The following PDE1C variants were observed in gnomAD, a reference collection of about 807,000 sequenced individuals.
PDE1C encodes the protein dual specificity calcium/calmodulin-dependent 3',5'-cyclic nucleotide phosphodiesterase 1C.
In PDE1C, 62 loss-of-function variants were observed where a neutral mutation model predicts 93.1. That is an observed-to-expected ratio of 0.67 (90% confidence interval 0.54 to 0.82). The LOEUF is 0.82. Among genes scored for constraint, PDE1C ranks in the 40% least tolerant of loss-of-function variants. The pLI, the probability that PDE1C is intolerant of heterozygous loss-of-function variation, is 0.00. For synonymous variants in PDE1C, 325 were observed against 310.1 expected, an observed-to-expected ratio of 1.05 and a Z score of -0.50; for missense variants, 742 against 884.6, an observed-to-expected ratio of 0.84 and a Z score of 2.04.
chr7:32,120,380 C>T (rs898432597), intron 3 of PDE1C, among the ~76,000 whole-genome samples: 2 of 152,356 alleles, frequency 1.3e-5, no homozygotes, highest in South Asian at 2.1e-4. Flanking sequence ...ACCCTCTCCA[C>T]CAGGGAACAG....
At chr7:32,053,578 T>A (rs1433441883) in intron 1 of PDE1C, among the ~76,000 whole-genome samples, 3 of 152,170 alleles carry the variant, frequency 2.0e-5, no homozygotes, top group Non-Finnish European at 4.4e-5. Flanking sequence ...AAAAGAAGAA[T>A]GCCCCTAGCC....
At chr7:32,060,841 G>C (rs1042497305) in intron 1 of PDE1C, among the ~76,000 whole-genome samples, 1 of 152,086 alleles carries the variant, frequency 6.6e-6, no homozygotes, top group African/African-American at 2.4e-5. Context: ...GCTAGGAAAG[G>C]CCTTATTTAT....
intron 2 of PDE1C, among the ~76,000 whole-genome samples, chr7:31,958,512 T>C (rs1808467865): frequency 6.6e-6 from 1 of 152,226 alleles, no homozygotes; most frequent in Non-Finnish European, 1.5e-5. Context: ...AGCCTTGATT[T>C]ATCTGTCTTG....
At chr7:31,997,521 GC>G (rs1364962684) in intron 2 of PDE1C, among the ~76,000 whole-genome samples, 8 of 152,186 alleles carry the variant, frequency 5.3e-5, no homozygotes, top group African/African-American at 1.9e-4. Flanking sequence ...CAACAATAGA[GC>G]TTGGAGAACC....
At chr7:32,166,701 G>T (rs964063371) in intron 3 of PDE1C, among the ~76,000 whole-genome samples, 1 of 152,096 alleles carries the variant, frequency 6.6e-6, no homozygotes, top group African/African-American at 2.4e-5. Flanking sequence ...ATACCCTCTG[G>T]CATTATTAGT....
At chr7:32,040,246 C>G (rs1791634991) in intron 2 of PDE1C, among the ~76,000 whole-genome samples, 1 of 152,144 alleles carries the variant, frequency 6.6e-6, no homozygotes, top group Admixed American at 6.5e-5. Context: ...TCTTTTAACC[C>G]TTACAACAAA....
chr7:31,630,372 A>G, the PDE1C span, among the ~76,000 whole-genome samples: 2 of 152,218 alleles, frequency 1.3e-5, no homozygotes, highest in Middle Eastern at 3.4e-3. Flanking sequence ...TGAGATAACA[A>G]TTTATGATGC....
At chr7:32,414,431 G>A (rs1254738652) in intron 1 of PDE1C, among the ~76,000 whole-genome samples, 2 of 152,054 alleles carry the variant, frequency 1.3e-5, no homozygotes, top group African/African-American at 4.8e-5. Context: ...GTGTATATGT[G>A]CCTAAAGAGA....
chr7:31,907,403 A>T (rs1800734455), intron 2 of PDE1C, among the ~76,000 whole-genome samples: 1 of 152,144 alleles, frequency 6.6e-6, no homozygotes, highest in Non-Finnish European at 1.5e-5. Context: ...AAACTTTATG[A>T]GAAGCAGGTG....
At chr7:31,915,187 C>A (rs1381846058) in intron 2 of PDE1C, among the ~76,000 whole-genome samples, 2 of 152,168 alleles carry the variant, frequency 1.3e-5, no homozygotes, top group Non-Finnish European at 2.9e-5. Flanking sequence ...GGTCTGTGGG[C>A]CATGAGTCTG....
At chr7:32,314,787 G>C (rs1407850821) in intron 1 of PDE1C, among the ~76,000 whole-genome samples, 1 of 151,884 alleles carries the variant, frequency 6.6e-6, no homozygotes, top group Non-Finnish European at 1.5e-5. Context: ...GCCCAAAAGG[G>C]AACACAGACC....
chr7:31,835,348 G>C (rs1040554030), intron 11 of PDE1C, among the ~76,000 whole-genome samples: 1 of 152,102 alleles, frequency 6.6e-6, no homozygotes, highest in Non-Finnish European at 1.5e-5. Flanking sequence ...CTCAAAAGAA[G>C]CTCTTGGTGA....
At chr7:31,651,711 A>C in the PDE1C span, among the ~76,000 whole-genome samples, 1 of 152,200 alleles carries the variant, frequency 6.6e-6, no homozygotes, top group Non-Finnish European at 1.5e-5. Context: ...AATTTATTAA[A>C]AATTATTAAA....
intron 2 of PDE1C, among the ~76,000 whole-genome samples, chr7:32,197,880 A>T (rs12690801): frequency 0.29 from 44,271 of 152,072 alleles, 6,948 homozygotes; most frequent in Admixed American, 0.42. Flanking sequence ...GATTATGTTG[A>T]TGATGGTGGC....
chr7:32,317,220 G>A (rs981775317), intron 1 of PDE1C, among the ~76,000 whole-genome samples: 3 of 152,178 alleles, frequency 2.0e-5, no homozygotes, highest in Admixed American at 6.5e-5. Flanking sequence ...AGAGTTGGTG[G>A]ACCTCTCTGG....
chr7:31,808,160 C>A, intron 16 of PDE1C: 1 of 464,606 alleles, frequency 2.2e-6, no homozygotes, highest in Non-Finnish European at 4.2e-6. Flanking sequence ...CACCTGGTTA[C>A]CCAGCATTTG....
At chr7:32,194,180 C>T (rs1804445297) in intron 2 of PDE1C, among the ~76,000 whole-genome samples, 2 of 152,172 alleles carry the variant, frequency 1.3e-5, no homozygotes, top group Non-Finnish European at 2.9e-5. Flanking sequence ...TCCCAAAGTG[C>T]TGGGATTATG....
Position 31,775,578 on chromosome 7 carries a change from C to T in PDE1C, c.1960+86G>A, listed in dbSNP as rs570593387. The stretch of plus-strand genomic sequence containing the variant: ...GACTGGATAACTATGGGGCCATGTT[C>T]TCAGTTTATCAACCCAATTCCCGAG... On this transcript the variant is annotated intron_variant, in intron 17 of 17. Coordinates refer to ENST00000396191, the MANE Select transcript of PDE1C (RefSeq NM_001191057.4). The T allele has an allele frequency of 1.1e-4, 120 of 1,095,236 alleles. No homozygotes were observed. The Admixed American group carries it at 2.3e-3, about 21-fold the overall frequency. The allele number at this position is 1,095,236 out of a possible 1,614,324, so 67.8% of individuals were successfully genotyped here. A position where few individuals can be genotyped will look rare whatever the true frequency, so the allele number is the denominator to read the frequency against.
At chr7:31,740,527 A>G in the PDE1C span, among the ~76,000 whole-genome samples, 1 of 152,348 alleles carries the variant, frequency 6.6e-6, no homozygotes, top group South Asian at 2.1e-4. Flanking sequence ...CAAAATTGAA[A>G]TAAGATCTAT....
Sources: allele counts gnomAD v4.1 joint callset (sites outside exome capture counted in the v4.1 genomes callset), GRCh38; gene constraint gnomAD v4.1.1; transcripts MANE v1.5; gene names NCBI Gene and HGNC (gene_info 2026-07-23, HGNC 2026-07-21).